AMELY: variants seen among roughly 807,000 people sequenced by gnomAD.
AMELY encodes amelogenin, Y isoform.
Under a neutral mutation model 4.2 loss-of-function variants are expected in AMELY, and 4 were observed. That is an observed-to-expected ratio of 0.96 (90% CI 0.47 to 2.19). AMELY has a LOEUF of 2.19. Ranked by LOEUF, AMELY falls within the 30% of genes most tolerant of loss-of-function variation. The pLI is 0.02. For synonymous variants in AMELY, 11 were observed against 14.7 expected, an observed-to-expected ratio of 0.75 and a Z score of 0.57; for missense variants, 32 against 41.5, an observed-to-expected ratio of 0.77 and a Z score of 0.63.
intron 2 of AMELY, 65 bp from the exon 3 acceptor site, chrY:6,872,685 T>TA: frequency 9.5e-5 from 24 of 252,822 alleles, no homozygotes; most frequent in Non-Finnish European, 1.5e-4. Flanking sequence ...TAAAGTGCCT[T>TA]AAAAAACATA....
chrY:6,866,046 T>A lies in AMELY; in HGVS notation c.*27A>T, dbSNP rs761791738. On this transcript the variant is annotated 3_prime_UTR_variant, in exon 7 of 7. Coordinates refer to ENST00000651267, the MANE Select transcript of AMELY (RefSeq NM_001143.2). ...CCTGAAAGCAACTAAAGTGTTTACT[T>A]CAGTTCCTGTCTCATATTCTGGTCT... The A allele has an allele frequency of 3.3e-6, 1 of 301,468 alleles. No homozygotes were observed. The highest frequency in any genetic ancestry group is 4.6e-6 in the Non-Finnish European group (1 of 215,690). The allele number at this position is 301,468 out of a possible 400,897, so 75.2% of individuals were successfully genotyped here. A position where few individuals can be genotyped will look rare whatever the true frequency, so the allele number is the denominator to read the frequency against.
intron 1 of AMELY, among the ~76,000 whole-genome samples, chrY:6,903,636 T>C: frequency 3.0e-5 from 1 of 33,716 alleles, no homozygotes; most frequent in East Asian, 8.0e-4. Flanking sequence ...ATGGGGAACA[T>C]GGTAAGACCA....
At chrY:6,886,376 G>A (rs2054080151) in intron 1 of AMELY, among the ~76,000 whole-genome samples, 2 of 33,959 alleles carry the variant, frequency 5.9e-5, no homozygotes, top group Non-Finnish European at 1.5e-4. Flanking sequence ...TTGAAGAGCA[G>A]AAGGGAAATA....
intron 1 of AMELY, among the ~76,000 whole-genome samples, chrY:6,884,668 C>T (rs2054077762): frequency 9.1e-5 from 3 of 33,062 alleles, no homozygotes; most frequent in African/African-American, 3.6e-4. Flanking sequence ...AAAAGAAGAG[C>T]AGTTGCTATT....
At chrY:6,867,160 T>C in intron 6 of AMELY, among the ~76,000 whole-genome samples, 2 of 33,527 alleles carry the variant, frequency 6.0e-5, no homozygotes, top group African/African-American at 2.3e-4. Context: ...ACTTTTACAA[T>C]AGTGCCTCCT....
At chrY:6,872,863 G>T in intron 2 of AMELY, among the ~76,000 whole-genome samples, 1 of 33,104 alleles carries the variant, frequency 3.0e-5, no homozygotes, top group African/African-American at 1.2e-4. Flanking sequence ...AATAAATCAT[G>T]TTGTTATGTA....
At chrY:6,895,510 T>G in intron 1 of AMELY, among the ~76,000 whole-genome samples, 1 of 33,636 alleles carries the variant, frequency 3.0e-5, no homozygotes, top group Non-Finnish European at 7.4e-5. Context: ...ACTCGAGAGA[T>G]AGCACCATAA....
Position 6,872,623 on chromosome Y carries a change from GA to G in AMELY, c.-12-4del, listed in dbSNP as rs754688229. ...CAGGTCCCCATTTCTTGATGGTTCTGAAATGAAAATCAGCAAGTGCTTTTCT... is the reference window on the plus strand; with the variant it reads ...CAGGTCCCCATTTCTTGATGGTTCTGAATGAAAATCAGCAAGTGCTTTTCT... On this transcript the variant is annotated splice_polypyrimidine_tract_variant and splice_region_variant and intron_variant, in intron 2 of 6. Transcript: ENST00000651267. The G allele has an allele frequency of 2.9e-4, 113 of 391,511 alleles. No homozygotes were observed. The East Asian group carries it at 9.9e-3, about 34-fold the overall frequency.
chrY:6,879,678 T>C, intron 1 of AMELY, among the ~76,000 whole-genome samples: 1 of 34,086 alleles, frequency 2.9e-5, no homozygotes, highest in South Asian at 6.5e-4. Flanking sequence ...CATTTAAGTC[T>C]TTAATCCATC....
Position 6,872,619 on chromosome Y carries a change from T to C in AMELY, c.-11A>G. On this transcript the variant is annotated splice_region_variant and 5_prime_UTR_variant, in exon 3 of 7. Coordinates refer to ENST00000651267, the MANE Select transcript of AMELY (RefSeq NM_001143.2). ...AATCCAGGTCCCCATTTCTTGATGG[T>C]TCTGAAATGAAAATCAGCAAGTGCT... 1 of 394,830 alleles carries C rather than the reference T, an allele frequency of 2.5e-6. No homozygotes were observed. The highest frequency in any genetic ancestry group is 3.0e-5 in the South Asian group (1 of 33,237).
intron 1 of AMELY, among the ~76,000 whole-genome samples, chrY:6,882,723 C>T (rs2054075715): frequency 3.1e-5 from 1 of 32,474 alleles, no homozygotes; most frequent in Non-Finnish European, 7.5e-5. Flanking sequence ...TATCTAGAAT[C>T]TACAATCAAT....
intron 1 of AMELY, among the ~76,000 whole-genome samples, chrY:6,890,988 C>T (rs747902280): frequency 3.0e-5 from 1 of 33,383 alleles, no homozygotes; most frequent in Admixed American, 2.8e-4. Context: ...GAGAGCCGCT[C>T]GGAAACCCAT....
chrY:6,877,650 C>A, intron 1 of AMELY, among the ~76,000 whole-genome samples: 1 of 32,751 alleles, frequency 3.1e-5, no homozygotes, highest in Admixed American at 2.8e-4. Flanking sequence ...CAGATCATTG[C>A]TCTCACTACC....
chrY:6,880,565 C>T, intron 1 of AMELY, among the ~76,000 whole-genome samples: 2 of 33,373 alleles, frequency 6.0e-5, no homozygotes, highest in Admixed American at 5.5e-4. Context: ...GGAGTATTCC[C>T]TCTTTTTCTA....
Position 6,872,633 on chromosome Y carries a change from T to C in AMELY, c.-12-13A>G. 1 of 383,290 alleles carries C rather than the reference T, an allele frequency of 2.6e-6. No homozygotes were observed. The highest frequency in any genetic ancestry group is 3.7e-6 in the Non-Finnish European group (1 of 270,130). ...TTTCTTGATGGTTCTGAAATGAAAA[T>C]CAGCAAGTGCTTTTCTCATCTCTTC... is the stretch of plus-strand genomic sequence containing the variant. On this transcript the variant is annotated splice_polypyrimidine_tract_variant and intron_variant, in intron 2 of 6. Transcript: ENST00000651267.
chrY:6,886,923 C>G, intron 1 of AMELY, among the ~76,000 whole-genome samples: 1 of 33,455 alleles, frequency 3.0e-5, no homozygotes, highest in Non-Finnish European at 7.4e-5. Flanking sequence ...AAACATTATA[C>G]TCAAACTGTC....
intron 1 of AMELY, among the ~76,000 whole-genome samples, chrY:6,910,417 G>A: frequency 3.1e-5 from 1 of 32,096 alleles, no homozygotes; most frequent in Non-Finnish European, 7.7e-5. Flanking sequence ...GGGAGGGGCC[G>A]GTTCGCAGTT....
chrY:6,885,305 C>T, intron 1 of AMELY, among the ~76,000 whole-genome samples: 2 of 33,455 alleles, frequency 6.0e-5, no homozygotes, highest in Admixed American at 2.7e-4. Flanking sequence ...GAAACCCCGT[C>T]TCTACTAAAA....
At chrY:6,885,896 G>A in intron 1 of AMELY, among the ~76,000 whole-genome samples, 2 of 34,391 alleles carry the variant, frequency 5.8e-5, no homozygotes, top group Non-Finnish European at 1.5e-4. Flanking sequence ...ATGGGAGTGA[G>A]AATAAAGAAA....
Sources: allele counts gnomAD v4.1 joint callset (sites outside exome capture counted in the v4.1 genomes callset), GRCh38; gene constraint gnomAD v4.1.1; transcripts MANE v1.5; gene names NCBI Gene and HGNC (gene_info 2026-07-23, HGNC 2026-07-21).